The following TMCO5A variants were observed in gnomAD, a reference collection of about 807,000 sequenced individuals.
TMCO5A encodes the protein transmembrane and coiled-coil domains 5A.
A neutral mutation model predicts 42.3 loss-of-function variants in TMCO5A; 34 were observed. The ratio of observed to expected loss-of-function variants is 0.80; its 90% confidence interval spans 0.61 to 1.07. The LOEUF (loss-of-function observed/expected upper bound fraction) is 1.07, where lower values mean the gene tolerates loss of function less well. Ranked by LOEUF, TMCO5A falls within the 50% of genes least tolerant of loss-of-function variation. TMCO5A has a pLI of 0.00. For missense variants in TMCO5A, 357 were observed against 327.9 expected (o/e 1.09, Z -0.69); for synonymous variants, 131 against 115.6 (o/e 1.13, Z -0.86).
At chr15:37,947,631 T>C in intron 10 of TMCO5A, 25 bp from the exon 11 acceptor site, 1 of 1,543,062 alleles carries the variant, frequency 6.5e-7, no homozygotes, top group Middle Eastern at 1.9e-4. Context: ...AATTGCTTAT[T>C]TATCAATATC....
chr15:37,979,544 G>A, the TMCO5A span, among the ~76,000 whole-genome samples: 2 of 152,184 alleles, frequency 1.3e-5, no homozygotes, highest in Non-Finnish European at 2.9e-5. Context: ...TTTAGAACCT[G>A]CCTGAGCACC....
the TMCO5A span, among the ~76,000 whole-genome samples, chr15:38,031,096 C>T: frequency 6.6e-6 from 1 of 152,146 alleles, no homozygotes; most frequent in Non-Finnish European, 1.5e-5. Flanking sequence ...AGCATATAAA[C>T]ACCCAGGCTT....
At chr15:37,992,493 TG>T in the TMCO5A span, among the ~76,000 whole-genome samples, 1 of 152,324 alleles carries the variant, frequency 6.6e-6, no homozygotes, top group East Asian at 1.9e-4. Context: ...ATCCCATTAC[TG>T]GGTATATACC....
the TMCO5A span, among the ~76,000 whole-genome samples, chr15:37,977,652 A>G: frequency 6.6e-6 from 1 of 152,062 alleles, no homozygotes; most frequent in African/African-American, 2.4e-5. Flanking sequence ...TCAAGTGTTG[A>G]CTGAAGATCT....
At chr15:37,995,189 G>A in the TMCO5A span, among the ~76,000 whole-genome samples, 2 of 152,074 alleles carry the variant, frequency 1.3e-5, no homozygotes, top group African/African-American at 4.8e-5. Context: ...CCCCTCTCTA[G>A]GGACCTTTGT....
downstream of TMCO5A, among the ~76,000 whole-genome samples, chr15:37,969,881 G>A (rs1292723600): frequency 6.6e-6 from 1 of 152,094 alleles, no homozygotes; most frequent in Non-Finnish European, 1.5e-5. Context: ...TTTTATGGTT[G>A]CATAGTATAT....
At chr15:37,990,112 A>G in the TMCO5A span, among the ~76,000 whole-genome samples, 2 of 152,128 alleles carry the variant, frequency 1.3e-5, no homozygotes, top group South Asian at 4.1e-4. Flanking sequence ...GTTGTTGAAT[A>G]AAGTGTTCTG....
chr15:37,944,723 C>T (rs1889873448), intron 10 of TMCO5A, among the ~76,000 whole-genome samples: 1 of 152,048 alleles, frequency 6.6e-6, no homozygotes, highest in African/African-American at 2.4e-5. Context: ...GCACCCACCA[C>T]CATGCCTGGC....
At chr15:37,976,423 C>G in the TMCO5A span, among the ~76,000 whole-genome samples, 1 of 151,930 alleles carries the variant, frequency 6.6e-6, no homozygotes, top group Non-Finnish European at 1.5e-5. Flanking sequence ...CAGGGGTTCT[C>G]TGTATTTCTT....
chr15:37,970,406 C>T (rs1890651298), downstream of TMCO5A, among the ~76,000 whole-genome samples: 1 of 152,192 alleles, frequency 6.6e-6, no homozygotes, highest in Non-Finnish European at 1.5e-5. Flanking sequence ...TCAACTATCT[C>T]CCACCAGGTC....
chr15:37,945,793 T>C (rs1889927768), intron 10 of TMCO5A, among the ~76,000 whole-genome samples: 1 of 152,062 alleles, frequency 6.6e-6, no homozygotes, highest in Non-Finnish European at 1.5e-5. Flanking sequence ...TGCATAGTTT[T>C]CAAAAATTGT....
At chr15:37,937,632 G>A (rs1889568170) in intron 5 of TMCO5A, among the ~76,000 whole-genome samples, 1 of 152,096 alleles carries the variant, frequency 6.6e-6, no homozygotes, top group South Asian at 2.1e-4. Context: ...AATCTCATGG[G>A]TTCTTCATTC....
chr15:38,015,674 T>C, the TMCO5A span, among the ~76,000 whole-genome samples: 1 of 152,182 alleles, frequency 6.6e-6, no homozygotes, highest in African/African-American at 2.4e-5. Flanking sequence ...AGTAGGTAAA[T>C]GTATAAATAA....
chr15:37,964,446 G>A (rs538705122), intron 11 of TMCO5A, among the ~76,000 whole-genome samples: 1 of 152,046 alleles, frequency 6.6e-6, no homozygotes, highest in African/African-American at 2.4e-5. Context: ...AGGATCTGTA[G>A]GTCCTCTCAG....
chr15:37,983,609 A>C, the TMCO5A span, among the ~76,000 whole-genome samples: 2 of 152,336 alleles, frequency 1.3e-5, no homozygotes, highest in African/African-American at 4.8e-5. Flanking sequence ...CAAGAAATTT[A>C]GAGATTATTT....
At chr15:37,988,149 G>A in the TMCO5A span, among the ~76,000 whole-genome samples, 1 of 151,734 alleles carries the variant, frequency 6.6e-6, no homozygotes, top group Non-Finnish European at 1.5e-5. Flanking sequence ...TCTTCAGATT[G>A]TTTATTGTTA....
intron 11 of TMCO5A, among the ~76,000 whole-genome samples, chr15:37,960,010 CA>C (rs1448531249): frequency 6.6e-6 from 1 of 151,892 alleles, no homozygotes; most frequent in Non-Finnish European, 1.5e-5. Flanking sequence ...ATACAAAAAT[CA>C]GTAACTTTTT....
chr15:37,960,599 T>A (rs1296543341), intron 11 of TMCO5A, among the ~76,000 whole-genome samples: 1 of 152,092 alleles, frequency 6.6e-6, no homozygotes, highest in Non-Finnish European at 1.5e-5. Flanking sequence ...GTTTAAAGAA[T>A]CTCCACACTG....
intron 11 of TMCO5A, among the ~76,000 whole-genome samples, chr15:37,960,771 T>A (rs1196412394): frequency 6.6e-6 from 1 of 152,074 alleles, no homozygotes; most frequent in African/African-American, 2.4e-5. Context: ...TTGCATTTCC[T>A]TGATCATTAG....
Sources: allele counts gnomAD v4.1 joint callset (sites outside exome capture counted in the v4.1 genomes callset), GRCh38; gene constraint gnomAD v4.1.1; transcripts MANE v1.5; gene names NCBI Gene and HGNC (gene_info 2026-07-23, HGNC 2026-07-21).